LMAN1: variants seen among roughly 807,000 people sequenced by gnomAD.
LMAN1 encodes the protein lectin, mannose binding 1, also known as protein ERGIC-53.
Under a neutral mutation model 67.8 loss-of-function variants are expected in LMAN1, and 32 were observed. The observed-to-expected ratio is 0.47, with a 90% CI of 0.36 to 0.63. LMAN1 has a LOEUF of 0.63. Among genes scored for constraint, LMAN1 ranks in the 30% least tolerant of loss-of-function variants. LMAN1 has a pLI of 0.00. For missense variants in LMAN1, 632 were observed against 628.2 expected (o/e 1.01, Z -0.06); for synonymous variants, 235 against 219.3 (o/e 1.07, Z -0.63).
At position 59,333,106 on chromosome 18, in the gene LMAN1, TAA is replaced by T. The variant is rs1398941684; in HGVS notation, c.1357_1358del (p.Leu453SerfsTer9). The T allele has an allele frequency of 6.2e-7, 1 of 1,613,304 alleles. No individual in the cohort carries two copies. The highest frequency in any genetic ancestry group is 1.7e-5 in the Admixed American group (1 of 59,978). On this transcript the variant is annotated frameshift_variant, in exon 11 of 13. Coordinates refer to ENST00000251047, the MANE Select transcript of LMAN1 (RefSeq NM_005570.4). LOFTEE classifies it high-confidence loss of function. Reference sequence around the variant, plus strand: ...ACAAAGTTACCATATTTCGCTGCACTAAGTTATCTATGTCCCTCTTTACTATG... The same window carrying T: ...ACAAAGTTACCATATTTCGCTGCACTGTTATCTATGTCCCTCTTTACTATG... ...LHIVKRDIDN[L>X]VQRNMPSNEK...
intron 10 of LMAN1, among the ~76,000 whole-genome samples, chr18:59,338,145 C>A (rs1004058382): frequency 8.5e-5 from 13 of 152,200 alleles, no homozygotes; most frequent in Non-Finnish European, 1.5e-4. Context: ...GGTTTCATTC[C>A]ATCAAAAAGA....
In LMAN1 at chr18:59,329,195, A is replaced by G. The variant is rs755885258; in HGVS notation, c.*1898T>C. 4.6e-5 allele frequency: 7 copies of G among 152,336 alleles called. No homozygotes were observed. The highest frequency in any genetic ancestry group is 7.2e-5 in the African/African-American group (3 of 41,586). The allele number at this position is 152,336 out of a possible 1,614,324, so 9.4% of individuals were successfully genotyped here. On this transcript the variant is annotated 3_prime_UTR_variant, in exon 13 of 13. Transcript: ENST00000251047. ...TCAAGCAAAGTATATCACTAAGTAT[A>G]AAAGATAAAAGGCTCATGCTCATGC...
intron 11 of LMAN1, among the ~76,000 whole-genome samples, chr18:59,332,654 T>C (rs149624641): frequency 3.2e-4 from 49 of 152,300 alleles, no homozygotes; most frequent in Non-Finnish European, 6.3e-4. Flanking sequence ...ATATGTCTTA[T>C]AGAAGACAAC....
In LMAN1 at chr18:59,330,987, T is replaced by C. The variant is rs921035541; in HGVS notation, c.*106A>G. On this transcript the variant is annotated 3_prime_UTR_variant, in exon 13 of 13. Coordinates refer to ENST00000251047, the MANE Select transcript of LMAN1 (RefSeq NM_005570.4). ...AATCAATGTTTAAACAGTTATTTTA[T>C]TAAGAAAATTAATAATTTAGACTAT... 1.3e-6 allele frequency: 1 copy of C among 767,978 alleles called. No homozygotes were observed. Among genetic ancestry groups the C allele is most frequent in the Non-Finnish European group, 2.2e-6 (1 of 451,896 alleles). The allele number at this position is 767,978 out of a possible 1,614,324, so 47.6% of individuals were successfully genotyped here. A position where few individuals can be genotyped will look rare whatever the true frequency, so the allele number is the denominator to read the frequency against.
At chr18:59,332,884 A>T (rs537368438) in intron 11 of LMAN1, among the ~76,000 whole-genome samples, 2 of 152,292 alleles carry the variant, frequency 1.3e-5, no homozygotes, top group East Asian at 3.9e-4. Context: ...CATATTAAAA[A>T]ACCATGACTG....
At chr18:59,335,261 C>T (rs997160031) in intron 10 of LMAN1, among the ~76,000 whole-genome samples, 1 of 151,820 alleles carries the variant, frequency 6.6e-6, no homozygotes, top group African/African-American at 2.4e-5. Context: ...TGGAGAAACC[C>T]CATCTCTACT....
intron 8 of LMAN1, among the ~76,000 whole-genome samples, chr18:59,339,157 C>T (rs553423958): frequency 1.3e-5 from 2 of 152,200 alleles, no homozygotes; most frequent in South Asian, 4.2e-4. Context: ...TGATTGAACA[C>T]TTATTATAAA....
intron 8 of LMAN1, among the ~76,000 whole-genome samples, chr18:59,342,880 T>C (rs1224893310): frequency 6.6e-6 from 1 of 152,026 alleles, no homozygotes; most frequent in African/African-American, 2.4e-5. Context: ...TTGCTAATGA[T>C]ATGATCTTAT....
At chr18:59,349,700 G>A (rs1314145875) in intron 5 of LMAN1, among the ~76,000 whole-genome samples, 2 of 152,212 alleles carry the variant, frequency 1.3e-5, no homozygotes, top group Non-Finnish European at 2.9e-5. Context: ...TATCTGGACT[G>A]TCACAGGTTA....
intron 6 of LMAN1, among the ~76,000 whole-genome samples, chr18:59,348,201 T>C (rs1908463182): frequency 6.6e-6 from 1 of 152,256 alleles, no homozygotes; most frequent in Non-Finnish European, 1.5e-5. Context: ...ATACCAATCC[T>C]GGCTAGTCAC....
chr18:59,337,926 T>A (rs921332926), intron 10 of LMAN1, among the ~76,000 whole-genome samples: 1 of 152,204 alleles, frequency 6.6e-6, no homozygotes, highest in Non-Finnish European at 1.5e-5. Context: ...AATGTTAGGT[T>A]ATGGAAACAT....
At chr18:59,334,429 A>G (rs1394330446) in intron 10 of LMAN1, among the ~76,000 whole-genome samples, 2 of 152,246 alleles carry the variant, frequency 1.3e-5, no homozygotes, top group Non-Finnish European at 2.9e-5. Flanking sequence ...CTAGAGCTCT[A>G]CAAAGAAAGA....
At position 59,338,865 on chromosome 18, in the gene LMAN1, C is replaced by G; in HGVS notation, c.1044G>C (p.Leu348=). ...CAAGAATCATATCTAACTGCCGGTT[C>G]AGCTGCTTGATTTCAAGATGAATAC... ...QNRIHLEIKQ[L]NRQLDMILDE... is the part of the protein sequence containing the mutation. The change falls in exon 9 of 13, where the codon CTG becomes CTC. Residue 348 remains leucine (L), a synonymous_variant. Coordinates refer to ENST00000251047, the MANE Select transcript of LMAN1 (RefSeq NM_005570.4). 1 of 1,613,756 alleles carries G rather than the reference C, an allele frequency of 6.2e-7. No individual in the cohort carries two copies. Among genetic ancestry groups the G allele is most frequent in the Non-Finnish European group, 8.5e-7 (1 of 1,179,898 alleles).
chr18:59,329,339 T>C lies in LMAN1; in HGVS notation c.*1754A>G, dbSNP rs983661673. ...TATTCCTTTAATGCACAGGCACATA[T>C]GACCATGGACTTTATAATACTGGAT... On this transcript the variant is annotated 3_prime_UTR_variant, in exon 13 of 13. Transcript: ENST00000251047. 2.0e-5 allele frequency: 3 copies of C among 152,166 alleles called. No individual in the cohort carries two copies. Among genetic ancestry groups the C allele is most frequent in the Non-Finnish European group, 4.4e-5 (3 of 68,006 alleles). The allele number at this position is 152,166 out of a possible 1,614,324, so 9.4% of individuals were successfully genotyped here.
At chr18:59,335,633 G>A (rs41340848) in intron 10 of LMAN1, among the ~76,000 whole-genome samples, 11 of 152,144 alleles carry the variant, frequency 7.2e-5, no homozygotes, top group African/African-American at 2.2e-4. Flanking sequence ...TAGAACCATA[G>A]TATTCATATA....
chr18:59,349,297 G>A lies in LMAN1; in HGVS notation c.640-61C>T, dbSNP rs187985174. 136 of 1,469,180 alleles carry A rather than the reference G, an allele frequency of 9.3e-5. 1 individual carries two copies. The South Asian group carries it at 1.1e-3, about 12-fold the overall frequency. The allele number at this position is 1,469,180 out of a possible 1,614,324, so 91.0% of individuals were successfully genotyped here. On this transcript the variant is annotated intron_variant, in intron 5 of 12. Transcript: ENST00000251047. ...AGACATTAGAAAATAAATTTCAATC[G>A]ATCCATTTTATGACTACTATTCAGT...
chr18:59,349,664 A>G (rs1270966406), intron 5 of LMAN1, among the ~76,000 whole-genome samples: 3 of 152,202 alleles, frequency 2.0e-5, no homozygotes, highest in African/African-American at 7.2e-5. Context: ...ACAAGTAGTG[A>G]GCTCCTCTTA....
chr18:59,342,420 C>G (rs1463256421), intron 8 of LMAN1, among the ~76,000 whole-genome samples: 1 of 152,050 alleles, frequency 6.6e-6, no homozygotes, highest in African/African-American at 2.4e-5. Flanking sequence ...AAATCCTCTA[C>G]AGAATACCAG....
chr18:59,347,354 A>G (rs1284595131), intron 7 of LMAN1, among the ~76,000 whole-genome samples, 159 bp downstream of exon 7: 2 of 134,886 alleles, frequency 1.5e-5, no homozygotes, highest in African/African-American at 2.7e-5. Flanking sequence ...AAAAAAAAAA[A>G]AAAAAAGAAA....
Sources: gnomAD v4.1 joint callset for allele counts (sites outside exome capture counted in the v4.1 genomes callset) on GRCh38, gnomAD v4.1.1 for gene constraint, MANE v1.5 for transcripts, NCBI Gene and HGNC (gene_info 2026-07-23, HGNC 2026-07-21) for gene names.